MCM2: variants seen among roughly 807,000 people sequenced by gnomAD.
MCM2 encodes minichromosome maintenance complex component 2.
In MCM2, 49 loss-of-function variants were observed where a neutral mutation model predicts 86.4. The ratio of observed to expected loss-of-function variants is 0.57; its 90% confidence interval spans 0.45 to 0.72. The LOEUF (loss-of-function observed/expected upper bound fraction) is 0.72, where lower values mean the gene tolerates loss of function less well. MCM2 is among the 30% of genes least tolerant of loss of function. MCM2 has a pLI of 0.00. For synonymous variants in MCM2, 475 were observed against 484.6 expected (o/e 0.98, Z 0.26); for missense variants, 1,038 against 1,259.9 (o/e 0.82, Z 2.67).
In MCM2 at chr3:127,607,568, G is replaced by A. The variant is rs117775480; in HGVS notation, c.1101+751G>A. Among the ~76,000 whole-genome samples the A allele has an allele frequency of 7.5e-4, 115 of 152,354 alleles. 1 individual carries two copies. The East Asian group carries it at 0.02, about 27-fold the overall frequency. On this transcript the variant is annotated intron_variant, in intron 6 of 15. Coordinates refer to ENST00000265056, the MANE Select transcript of MCM2 (RefSeq NM_004526.4). ...TCTCGGGTGGGGCAGCTGCAGGCCAGATGCCAGCTGAGCCACGTCTTTGCT... is the reference window on the plus strand; with the variant it reads ...TCTCGGGTGGGGCAGCTGCAGGCCAAATGCCAGCTGAGCCACGTCTTTGCT...
chr3:127,619,446 C>G (rs532771208), intron 13 of MCM2, among the ~76,000 whole-genome samples, 168 bp downstream of exon 13: 2 of 152,230 alleles, frequency 1.3e-5, no homozygotes, highest in East Asian at 3.9e-4. Flanking sequence ...CGCCTGTAAT[C>G]CCAGTACTTT....
chr3:127,614,217 G>GT (rs1166193122), intron 8 of MCM2, among the ~76,000 whole-genome samples: 2 of 152,130 alleles, frequency 1.3e-5, no homozygotes, highest in African/African-American at 4.8e-5. Context: ...CAGGCATGCC[G>GT]TTTTTTTCTG....
At chr3:127,600,923 AC>A (rs1202290452) in intron 2 of MCM2, among the ~76,000 whole-genome samples, 1 of 150,958 alleles carries the variant, frequency 6.6e-6, no homozygotes, top group African/African-American at 2.4e-5. Flanking sequence ...TTTAGAGTTT[AC>A]CCCTTGCGAA....
intron 2 of MCM2, among the ~76,000 whole-genome samples, chr3:127,603,949 C>T (rs567454914): frequency 1.0e-3 from 159 of 152,310 alleles, no homozygotes; most frequent in South Asian, 2.1e-3. Context: ...CATGAGCCAC[C>T]GTGCCCGGCC....
chr3:127,613,373 G>GT (rs1490581584), intron 8 of MCM2, among the ~76,000 whole-genome samples: 7 of 152,200 alleles, frequency 4.6e-5, no homozygotes, highest in Admixed American at 4.6e-4. Context: ...GCAGCACAAA[G>GT]TAAGAGTTTC....
chr3:127,604,854 G>T, intron 3 of MCM2, 42 bp from the exon 4 acceptor site: 1 of 1,582,946 alleles, frequency 6.3e-7, no homozygotes, highest in Non-Finnish European at 8.6e-7. Flanking sequence ...AGTAGAAGGT[G>T]CTGGGGATGA....
intron 7 of MCM2, 65 bp downstream of exon 7, chr3:127,608,581 G>A (rs2074368127): frequency 1.9e-6 from 3 of 1,597,384 alleles, no homozygotes; most frequent in Non-Finnish European, 2.6e-6. Flanking sequence ...AGCAGTTGTG[G>A]CTGGGCCGGT....
chr3:127,621,721 T>G lies in MCM2; in HGVS notation c.2663T>G (p.Met888Arg), dbSNP rs1290321834. The change falls in exon 16 of 16, where the codon ATG (methionine) becomes AGG (arginine). Residue 888 changes from methionine to arginine, a missense_variant. Transcript: ENST00000265056. Reference protein sequence around the residue: ...SAFYDSELFRMNKFSHDLKRK... With the variant: ...SAFYDSELFRRNKFSHDLKRK... ...TTTTATGACAGTGAGCTCTTCAGGA[T>G]GAACAAGTTCAGCCACGACCTGAAA... 2.5e-6 allele frequency: 4 copies of G among 1,614,050 alleles called. No homozygotes were observed. The highest frequency in any genetic ancestry group is 3.4e-6 in the Non-Finnish European group (4 of 1,180,028).
Position 127,606,636 on chromosome 3 carries a change from G to T in MCM2, c.920G>T (p.Arg307Leu). Residue 307 changes from arginine (R) to leucine (L), a missense_variant, in exon 6 of 16, where the codon CGC becomes CTC. Physicochemically the swap from Arg to Leu is moderately radical, Grantham distance 102. Transcript: ENST00000265056. This position sits in a 1 kb window ranked among gnomAD's most constrained non-coding sequence, Gnocchi z 4.2. The part of the protein sequence containing the change: ...LRQLHLNQLI[R>L]TSGVVTSCTG... ...CAGCTGCATCTGAACCAGCTGATCC[G>T]CACCAGTGGGGTGGTGACCAGCTGC... The T allele has an allele frequency of 6.2e-7, 1 of 1,614,080 alleles. No homozygotes were observed. The highest frequency in any genetic ancestry group is 8.5e-7 in the Non-Finnish European group (1 of 1,180,010).
chr3:127,617,947 G>T lies in MCM2; in HGVS notation c.1901-22G>T. 3 of 1,592,540 alleles carry T rather than the reference G, an allele frequency of 1.9e-6. No individual in the cohort carries two copies. Among genetic ancestry groups the T allele is most frequent in the East Asian group, 2.2e-5 (1 of 44,660 alleles). ...GAGGATAGGGGAATCCACCCTGATG[G>T]AGGTGCTCCCCTGTGTTTCAGGAGG... On this transcript the variant is annotated intron_variant, in intron 11 of 15. Transcript: ENST00000265056. The surrounding 1 kb of genome is among the most constrained non-coding windows in gnomAD (Gnocchi z 4.1).
chr3:127,618,787 ATAAT>A lies in MCM2; in HGVS notation c.2014-234_2014-231del, dbSNP rs2074452324. Among the ~76,000 whole-genome samples, 1 of 152,054 alleles carries A rather than the reference ATAAT, an allele frequency of 6.6e-6. No homozygotes were observed. On this transcript the variant is annotated intron_variant, in intron 12 of 15. Coordinates refer to ENST00000265056, the MANE Select transcript of MCM2 (RefSeq NM_004526.4). The surrounding 1 kb of genome is among the most constrained non-coding windows in gnomAD (Gnocchi z 4.0). Reference sequence around the variant, plus strand: ...ATTTTTCTTCTGAGCATTACTTTCCATAATTAATTTTTAAGACTATTTGTCTCCT... The same window carrying A: ...ATTTTTCTTCTGAGCATTACTTTCCATAATTTTTAAGACTATTTGTCTCCT...
chr3:127,598,543 T>TG (rs1365550390), intron 1 of MCM2, 71 bp downstream of exon 1: 42 of 1,577,640 alleles, frequency 2.7e-5, no homozygotes, highest in Non-Finnish European at 2.3e-5. Context: ...TCCCGTACTC[T>TG]GGCCCCGGCC....
rs1025861194 is a variant in MCM2 at position 127,613,399 on chromosome 3, T to C, written c.1429-2463T>C. On this transcript the variant is annotated intron_variant, in intron 8 of 15. Coordinates refer to ENST00000265056, the MANE Select transcript of MCM2 (RefSeq NM_004526.4). ...TAAGAGTTTCATAAGAGAGTCATTA[T>C]ACTTACTGAGGACTTAGTATCTGCT... Among the ~76,000 whole-genome samples the C allele has an allele frequency of 2.2e-4, 33 of 152,230 alleles. 1 individual carries two copies. The highest frequency in any genetic ancestry group is 2.1e-3 in the Admixed American group (32 of 15,284).
rs773465880 is a variant in MCM2, at chr3:127,617,448, G to A, written c.1900+43G>A. The A allele has an allele frequency of 1.0e-5, 16 of 1,590,164 alleles. No homozygotes were observed. Among genetic ancestry groups the A allele is most frequent in the Admixed American group, 8.8e-5 (5 of 56,568 alleles). Reference sequence around the variant, plus strand: ...ACTGCTGGGGCTGGGGTGGGACACAGGGAGGTCCCGCCTGCTTGAATTGGG... The same window carrying A: ...ACTGCTGGGGCTGGGGTGGGACACAAGGAGGTCCCGCCTGCTTGAATTGGG... On this transcript the variant is annotated intron_variant, in intron 11 of 15. Transcript: ENST00000265056. This position sits in a 1 kb window ranked among gnomAD's most constrained non-coding sequence, Gnocchi z 4.1.
chr3:127,601,352 C>T (rs990207753), intron 2 of MCM2, among the ~76,000 whole-genome samples: 5 of 151,856 alleles, frequency 3.3e-5, no homozygotes, highest in African/African-American at 9.7e-5. Flanking sequence ...CATTACAGGT[C>T]GTGTTTTTTT....
At chr3:127,614,676 A>G (rs897377372) in intron 8 of MCM2, among the ~76,000 whole-genome samples, 2 of 152,230 alleles carry the variant, frequency 1.3e-5, no homozygotes, top group Non-Finnish European at 2.9e-5. Context: ...ACTAGTTTTA[A>G]AAATAATGAA....
intron 2 of MCM2, 121 bp downstream of exon 2, chr3:127,599,668 C>T: frequency 1.2e-6 from 1 of 835,768 alleles, no homozygotes; most frequent in Admixed American, 2.8e-5. Flanking sequence ...CCTTTGAGCA[C>T]AGCTTGATCC....
Position 127,606,948 on chromosome 3 carries a change from C to G in MCM2, c.1101+131C>G. On this transcript the variant is annotated intron_variant, in intron 6 of 15. Transcript: ENST00000265056. The surrounding 1 kb of genome is among the most constrained non-coding windows in gnomAD (Gnocchi z 4.2). ...GAAGCAAGATAGAATTGTGTGTTGG[C>G]CACACCCTGGGGTGGACCCAGTCTG... 1 of 885,850 alleles carries G rather than the reference C, an allele frequency of 1.1e-6. No individual in the cohort carries two copies. Among genetic ancestry groups the G allele is most frequent in the South Asian group, 1.6e-5 (1 of 64,258 alleles). The allele number at this position is 885,850 out of a possible 1,614,324, so 54.9% of individuals were successfully genotyped here. A position where few individuals can be genotyped will look rare whatever the true frequency, so the allele number is the denominator to read the frequency against.
Position 127,599,356 on chromosome 3 carries a change from C to G in MCM2, c.45C>G (p.Ala15=), listed in dbSNP as rs911567815. The G allele has an allele frequency of 2.2e-5, 36 of 1,614,050 alleles. No individual in the cohort carries two copies. Among genetic ancestry groups the G allele is most frequent in the Non-Finnish European group, 3.1e-5 (36 of 1,180,026 alleles). ...CCTTCACCATGGCATCCAGCCCGGC[C>G]CAGCGTCGGCGAGGCAATGATCCTC... is the stretch of plus-strand genomic sequence containing the variant. The part of the protein sequence containing the change: ...SESFTMASSP[A]QRRRGNDPLT... The change falls in exon 2 of 16, where the codon GCC becomes GCG. Residue 15 remains alanine (A), a synonymous_variant. Coordinates refer to ENST00000265056, the MANE Select transcript of MCM2 (RefSeq NM_004526.4).
Sources: allele counts gnomAD v4.1 joint callset (sites outside exome capture counted in the v4.1 genomes callset), GRCh38; gene constraint gnomAD v4.1.1; non-coding constraint Gnocchi (gnomAD v3.1); transcripts MANE v1.5; gene names NCBI Gene and HGNC (gene_info 2026-07-23, HGNC 2026-07-21).